Variants in GRID2 observed in about 807,000 individuals in gnomAD.
GRID2 encodes the protein glutamate receptor ionotropic, delta-2.
Under a neutral mutation model 114.8 loss-of-function variants are expected in GRID2, and 33 were observed. The ratio of observed to expected loss-of-function variants is 0.29; its 90% confidence interval spans 0.22 to 0.38. The LOEUF is 0.38. Ranked by LOEUF, GRID2 falls within the 10% of genes least tolerant of loss-of-function variation. The pLI is 1.00. For missense variants in GRID2, 1,184 were observed against 1,257.7 expected (o/e 0.94, Z 0.89); for synonymous variants, 505 against 449.9 (o/e 1.12, Z -1.55).
At chr4:92,982,298 T>C (rs1202870739) in intron 2 of GRID2, among the ~76,000 whole-genome samples, 1 of 152,046 alleles carries the variant, frequency 6.6e-6, no homozygotes, top group Non-Finnish European at 1.5e-5. Flanking sequence ...TATATAATAT[T>C]ACCAGTTGAA....
intron 2 of GRID2, among the ~76,000 whole-genome samples, chr4:92,725,526 C>A (rs1736026982): frequency 6.6e-6 from 1 of 151,988 alleles, no homozygotes; most frequent in Admixed American, 6.6e-5. Context: ...TAATTTTTAC[C>A]TTACTGAAAA....
chr4:93,112,048 A>T (rs937206015), intron 4 of GRID2: 1 of 152,138 alleles, frequency 6.6e-6, no homozygotes, highest in African/African-American at 2.4e-5. Flanking sequence ...TTGAACTACT[A>T]CATTTTTTCA....
At chr4:92,800,694 G>A (rs919789854) in intron 2 of GRID2, among the ~76,000 whole-genome samples, 4 of 151,940 alleles carry the variant, frequency 2.6e-5, no homozygotes, top group Non-Finnish European at 5.9e-5. Flanking sequence ...GTATGGTACA[G>A]GGGAGAAAAA....
intron 2 of GRID2, among the ~76,000 whole-genome samples, chr4:92,802,669 T>C (rs1740232913): frequency 6.6e-6 from 1 of 152,004 alleles, no homozygotes; most frequent in Non-Finnish European, 1.5e-5. Flanking sequence ...AGTATATATT[T>C]GGATCTATTT....
At chr4:93,502,472 GA>G (rs111702290) in intron 12 of GRID2, among the ~76,000 whole-genome samples, 3,463 of 148,402 alleles carry the variant, frequency 0.023, 129 homozygotes, top group African/African-American at 0.078. Flanking sequence ...AGGCAAATCT[GA>G]AAAAAAAAAT....
chr4:92,458,888 A>G (rs1355814504), intron 1 of GRID2, among the ~76,000 whole-genome samples: 3 of 152,200 alleles, frequency 2.0e-5, no homozygotes, highest in Non-Finnish European at 2.9e-5. Context: ...AAATGTCCTT[A>G]AAGAATGTAG....
At position 92,587,821 on chromosome 4, in the gene GRID2, A is replaced by T. The variant is rs891930426; in HGVS notation, c.89-2310A>T. ...TTAAGGCAATATTAAGTGTTCTGCCATGTAATAGTAAAATGCTTCCATCAA... is the reference window on the plus strand; with the variant it reads ...TTAAGGCAATATTAAGTGTTCTGCCTTGTAATAGTAAAATGCTTCCATCAA... On this transcript the variant is annotated intron_variant, in intron 1 of 15. Coordinates refer to ENST00000282020, the MANE Select transcript of GRID2 (RefSeq NM_001510.4). Among the ~76,000 whole-genome samples the T allele has an allele frequency of 9.2e-5, 14 of 152,324 alleles. No individual in the cohort carries two copies. In the South Asian group the frequency reaches 2.9e-3, roughly 32 times the overall value.
chr4:93,252,347 T>C (rs967722103), intron 8 of GRID2, among the ~76,000 whole-genome samples: 1 of 149,394 alleles, frequency 6.7e-6, no homozygotes, highest in African/African-American at 2.5e-5. Flanking sequence ...TTTTTTTTTT[T>C]GGTTAGGTTT....
intron 2 of GRID2, among the ~76,000 whole-genome samples, chr4:92,925,744 T>C (rs1749761504): frequency 5.3e-5 from 8 of 152,006 alleles, no homozygotes. Context: ...AAGTTATATT[T>C]GATAGTAACA....
chr4:93,518,697 A>G (rs1730047134), intron 13 of GRID2, among the ~76,000 whole-genome samples: 1 of 152,160 alleles, frequency 6.6e-6, no homozygotes, highest in Non-Finnish European at 1.5e-5. Flanking sequence ...AATCTGCTTT[A>G]TTAAATCAGG....
At chr4:93,140,372 A>G (rs1287802954) in intron 4 of GRID2, among the ~76,000 whole-genome samples, 1 of 151,868 alleles carries the variant, frequency 6.6e-6, no homozygotes, top group Non-Finnish European at 1.5e-5. Context: ...GTTAGCCCGG[A>G]TGGTCTCTTT....
chr4:92,363,757 T>G (rs1337991328), intron 1 of GRID2, among the ~76,000 whole-genome samples: 1 of 151,954 alleles, frequency 6.6e-6, no homozygotes, highest in Non-Finnish European at 1.5e-5. Context: ...TTTAACAAAA[T>G]TTTCAAAATA....
At chr4:92,610,514 T>G (rs1404055951) in intron 2 of GRID2, among the ~76,000 whole-genome samples, 3 of 151,614 alleles carry the variant, frequency 2.0e-5, no homozygotes. Flanking sequence ...ATGCTCCACT[T>G]CTGTTTTTTA....
At chr4:92,896,259 G>A (rs561025963) in intron 2 of GRID2, among the ~76,000 whole-genome samples, 14 of 152,302 alleles carry the variant, frequency 9.2e-5, no homozygotes, top group Admixed American at 3.9e-4. Flanking sequence ...GTAGCCAGGT[G>A]TTCCCCTCTG....
At chr4:93,679,317 C>T (rs1484224422) in intron 14 of GRID2, among the ~76,000 whole-genome samples, 1 of 150,724 alleles carries the variant, frequency 6.6e-6, no homozygotes, top group Admixed American at 6.6e-5. Flanking sequence ...AGACTCCCAC[C>T]CAATAATAAT....
At chr4:93,257,360 T>G (rs1330916566) in intron 8 of GRID2, among the ~76,000 whole-genome samples, 1 of 151,718 alleles carries the variant, frequency 6.6e-6, no homozygotes, top group African/African-American at 2.4e-5. Flanking sequence ...GCATTTCACT[T>G]CAGTGCAATG....
intron 13 of GRID2, among the ~76,000 whole-genome samples, chr4:93,554,615 A>G (rs1734119666): frequency 6.6e-6 from 1 of 152,082 alleles, no homozygotes; most frequent in Non-Finnish European, 1.5e-5. Flanking sequence ...TATTTTCCAA[A>G]TTAGAGATAG....
chr4:93,613,941 C>G (rs958523905), intron 13 of GRID2, among the ~76,000 whole-genome samples: 41 of 151,782 alleles, frequency 2.7e-4, no homozygotes, highest in Non-Finnish European at 5.3e-4. Context: ...TGATCTCAGA[C>G]TGCTGTGCTA....
chr4:92,722,660 A>C (rs1466935265), intron 2 of GRID2, among the ~76,000 whole-genome samples: 1 of 152,106 alleles, frequency 6.6e-6, no homozygotes, highest in Non-Finnish European at 1.5e-5. Context: ...TGCTATACCC[A>C]TCTGGGAACC....
Sources: allele counts gnomAD v4.1 joint callset (sites outside exome capture counted in the v4.1 genomes callset), GRCh38; gene constraint gnomAD v4.1.1; transcripts MANE v1.5; gene names NCBI Gene and HGNC (gene_info 2026-07-23, HGNC 2026-07-21).